Variants in BBS5 observed in about 807,000 individuals in gnomAD.
BBS5 encodes Bardet-Biedl syndrome 5, also known as BBSome complex member BBS5.
A neutral mutation model predicts 50.2 loss-of-function variants in BBS5; 39 were observed. That is an observed-to-expected ratio of 0.78 (90% confidence interval 0.60 to 1.01). BBS5 has a LOEUF of 1.01. Among genes scored for constraint, BBS5 ranks in the 50% least tolerant of loss-of-function variants. The probability of loss-of-function intolerance (pLI) is 0.00; values close to 1 mark genes in which losing one functional copy is unlikely to be tolerated. For missense variants in BBS5, 356 were observed against 401.5 expected, an observed-to-expected ratio of 0.89 and a Z score of 0.97; for synonymous variants, 134 against 133.1, an observed-to-expected ratio of 1.01 and a Z score of -0.05.
Position 169,488,261 on chromosome 2 carries a change from G to A in BBS5, c.386+147G>A, listed in dbSNP as rs967710409. On this transcript the variant is annotated intron_variant, in intron 5 of 11. Transcript: ENST00000295240. The stretch of plus-strand genomic sequence containing the variant: ...TTGGGTGAGGGTATGGTTTCAAGAT[G>A]ATTCAAGTGTATTACATTTATTGTG... 9 of 744,344 alleles carry A rather than the reference G, an allele frequency of 1.2e-5. No homozygotes were observed. The East Asian group carries it at 2.1e-4, about 17-fold the overall frequency. The allele number at this position is 744,344 out of a possible 1,614,324, so 46.1% of individuals were successfully genotyped here.
rs554845609 is a variant in BBS5, at chr2:169,504,801, C to T, written c.*219C>T. The T allele has an allele frequency of 3.0e-5, 46 of 1,546,432 alleles. No homozygotes were observed. The highest frequency in any genetic ancestry group is 2.3e-4 in the African/African-American group (17 of 72,888). ...AGCGACACATGGCCTAGTAACCGTC[C>T]GGCCGCGGCGCTGGCTTAAGCCATG... On this transcript the variant is annotated 3_prime_UTR_variant, in exon 12 of 12. Coordinates refer to ENST00000295240, the MANE Select transcript of BBS5 (RefSeq NM_152384.3).
rs1032803703 is a variant in BBS5 at position 169,499,405 on chromosome 2, AT to A, written c.682-79del. The stretch of plus-strand genomic sequence containing the variant: ...GTATTATGCTCTAAAATAAGGACAA[AT>A]TGAGCTATAATTTATCTTATACTAT... On this transcript the variant is annotated intron_variant, in intron 8 of 11. Transcript: ENST00000295240. 1.4e-5 allele frequency: 19 copies of A among 1,398,708 alleles called. No individual in the cohort carries two copies. The African/African-American group carries it at 1.9e-4, about 14-fold the overall frequency. The allele number at this position is 1,398,708 out of a possible 1,614,324, so 86.6% of individuals were successfully genotyped here.
intron 10 of BBS5, 58 bp from the exon 11 acceptor site, chr2:169,504,245 T>A: frequency 6.9e-7 from 1 of 1,454,858 alleles, no homozygotes; most frequent in East Asian, 2.3e-5. Flanking sequence ...CTTAGCCCAC[T>A]GATCTATTCG....
At chr2:169,483,980 T>G (rs1441433204) in intron 2 of BBS5, among the ~76,000 whole-genome samples, 1 of 152,208 alleles carries the variant, frequency 6.6e-6, no homozygotes, top group East Asian at 1.9e-4. Flanking sequence ...TAAAACATTT[T>G]TCGATTCCTC....
At chr2:169,483,475 G>A (rs1683435999) in intron 2 of BBS5, among the ~76,000 whole-genome samples, 2 of 152,134 alleles carry the variant, frequency 1.3e-5, no homozygotes, top group African/African-American at 4.8e-5. Flanking sequence ...ATGTCTCTTA[G>A]TAGAGACATA....
At position 169,482,273 on chromosome 2, in the gene BBS5, G is replaced by T; in HGVS notation, c.82G>T (p.Glu28Ter). The change falls in exon 2 of 12, where the codon GAA (glutamate) becomes TAA (stop). Residue 28 changes from glutamate (E) to a stop codon, truncating the protein, a stop_gained. Coordinates refer to ENST00000295240, the MANE Select transcript of BBS5 (RefSeq NM_152384.3). LOFTEE classifies it high-confidence loss of function. ...TAGGCAAATGAAAACAAGACCTGGA[G>T]AAGTCCTTATTGATTGTTTAGATTC... ...SAQQMKTRPGEVLIDCLDSIE... is the reference protein window; with the variant it reads ...SAQQMKTRPG 6.2e-7 allele frequency: 1 copy of T among 1,610,264 alleles called. No individual in the cohort carries two copies. Among genetic ancestry groups the T allele is most frequent in the Non-Finnish European group, 8.5e-7 (1 of 1,176,564 alleles).
At chr2:169,486,931 A>G (rs1333879042) in intron 2 of BBS5, 138 bp from the exon 3 acceptor site, 1 of 722,688 alleles carries the variant, frequency 1.4e-6, no homozygotes, top group Non-Finnish European at 2.5e-6. Context: ...GGATATGCAC[A>G]ATATTTTCAG....
At chr2:169,502,698 T>G (rs1683832226) in intron 9 of BBS5, among the ~76,000 whole-genome samples, 1 of 152,244 alleles carries the variant, frequency 6.6e-6, no homozygotes, top group Non-Finnish European at 1.5e-5. Context: ...TTTAGAATAT[T>G]CCATAAAAAT....
chr2:169,497,921 A>G (rs1006081036), intron 8 of BBS5, among the ~76,000 whole-genome samples: 1 of 152,202 alleles, frequency 6.6e-6, no homozygotes, highest in Non-Finnish European at 1.5e-5. Context: ...CTTATTATTA[A>G]TGACAGAATC....
Position 169,504,846 on chromosome 2 carries a change from C to T in BBS5, c.*264C>T. On this transcript the variant is annotated 3_prime_UTR_variant, in exon 12 of 12. Transcript: ENST00000295240. ...GCCATGGCTGAGGGTAGCTGGATTC[C>T]TCAGGCCCGGGCGCTCCTACAGCAG... is the stretch of plus-strand genomic sequence containing the variant. 1.9e-6 allele frequency: 3 copies of T among 1,608,106 alleles called. No homozygotes were observed. In the Admixed American group the frequency reaches 5.0e-5, roughly 27 times the overall value.
At chr2:169,493,910 T>C (rs1191835819) in intron 7 of BBS5, 74 bp downstream of exon 7, 2 of 955,640 alleles carry the variant, frequency 2.1e-6, no homozygotes, top group African/African-American at 3.3e-5. Context: ...AATTGGACTT[T>C]TAGATGAGTT....
intron 11 of BBS5, 25 bp downstream of exon 11, chr2:169,504,351 G>C: frequency 6.2e-7 from 1 of 1,609,426 alleles, no homozygotes; most frequent in African/African-American, 1.3e-5. Context: ...TTTACCTACA[G>C]TATATGAAAA....
chr2:169,500,667 G>T (rs1239780469), intron 9 of BBS5, among the ~76,000 whole-genome samples: 8 of 152,152 alleles, frequency 5.3e-5, no homozygotes, highest in African/African-American at 1.9e-4. Flanking sequence ...CTTTAGTGAG[G>T]CCCTTGTTGC....
intron 1 of BBS5, 39 bp from the exon 2 acceptor site, chr2:169,482,211 AG>A: frequency 8.1e-7 from 1 of 1,234,650 alleles, no homozygotes; most frequent in Non-Finnish European, 1.2e-6. Flanking sequence ...AAGCAGGTAT[AG>A]TTGTAGCTAT....
At position 169,503,131 on chromosome 2, in the gene BBS5, C is replaced by G; in HGVS notation, c.853C>G (p.Gln285Glu). 6.2e-7 allele frequency: 1 copy of G among 1,613,942 alleles called. No homozygotes were observed. The highest frequency in any genetic ancestry group is 1.1e-5 in the South Asian group (1 of 91,056). Residue 285 changes from glutamine (Q) to glutamate (E), a missense_variant, in exon 10 of 12, where the codon CAA becomes GAA. Gln to Glu is a conservative substitution (Grantham distance 29). Coordinates refer to ENST00000295240, the MANE Select transcript of BBS5 (RefSeq NM_152384.3). ...CGAAGCTCTGACAGTCGAACAAATT[C>G]AAGATGATGTAGAAATAGACTCTGA... is the stretch of plus-strand genomic sequence containing the variant. The part of the protein sequence containing the change: ...PLEALTVEQI[Q>E]DDVEIDSDGH...
At chr2:169,481,300 TG>T (rs1559120581) in intron 1 of BBS5, among the ~76,000 whole-genome samples, 1 of 152,182 alleles carries the variant, frequency 6.6e-6, no homozygotes, top group Admixed American at 6.5e-5. Context: ...CCCTGAAGAA[TG>T]GGCAGAGCCT....
chr2:169,487,962 CT>C (rs755763793), intron 4 of BBS5, 24 bp from the exon 5 acceptor site: 39 of 1,612,516 alleles, frequency 2.4e-5, no homozygotes, highest in Non-Finnish European at 3.1e-5. Context: ...AAAATCTGAA[CT>C]TTTAAATAAA....
At position 169,504,910 on chromosome 2, in the gene BBS5, G is replaced by A; in HGVS notation, c.*328G>A. On this transcript the variant is annotated 3_prime_UTR_variant, in exon 12 of 12. Coordinates refer to ENST00000295240, the MANE Select transcript of BBS5 (RefSeq NM_152384.3). ...GGCTGCAAATTCGCCCAGCCAATGGGGACGTTGCGGCCCAGTGGGTGGAGG... is the reference window on the plus strand; with the variant it reads ...GGCTGCAAATTCGCCCAGCCAATGGAGACGTTGCGGCCCAGTGGGTGGAGG... 4 of 1,613,788 alleles carry A rather than the reference G, an allele frequency of 2.5e-6. No homozygotes were observed. Among genetic ancestry groups the A allele is most frequent in the Non-Finnish European group, 3.4e-6 (4 of 1,179,912 alleles).
chr2:169,504,439 CA>C, intron 11 of BBS5, 41 bp from the exon 12 acceptor site: 1 of 1,590,730 alleles, frequency 6.3e-7, no homozygotes, highest in Non-Finnish European at 8.6e-7. Context: ...CTTCCTTGCC[CA>C]CCTTCTCTAT....
Sources: allele counts gnomAD v4.1 joint callset (sites outside exome capture counted in the v4.1 genomes callset), GRCh38; gene constraint gnomAD v4.1.1; transcripts MANE v1.5; gene names NCBI Gene and HGNC (gene_info 2026-07-23, HGNC 2026-07-21).